Variants in PRKCE observed in about 807,000 individuals in gnomAD.
PRKCE encodes the protein protein kinase C epsilon.
A neutral mutation model predicts 85.4 loss-of-function variants in PRKCE; 16 were observed. That is an observed-to-expected ratio of 0.19 (90% CI 0.13 to 0.28). The LOEUF (loss-of-function observed/expected upper bound fraction) is 0.28, where lower values mean the gene tolerates loss of function less well. Ranked by LOEUF, PRKCE falls within the 10% of genes least tolerant of loss-of-function variation. The pLI is 1.00. For missense variants in PRKCE, 573 were observed against 975.2 expected, an observed-to-expected ratio of 0.59 and a Z score of 5.49; for synonymous variants, 388 against 371.5, an observed-to-expected ratio of 1.04 and a Z score of -0.51.
chr2:46,045,658 C>A (rs1444423511), intron 10 of PRKCE, among the ~76,000 whole-genome samples: 1 of 152,164 alleles, frequency 6.6e-6, no homozygotes, highest in African/African-American at 2.4e-5. Context: ...GCGGGATGAT[C>A]ACTTGGGGTC....
At chr2:46,144,941 G>A (rs1027610254) in intron 11 of PRKCE, 152 bp from the exon 12 acceptor site, 31 of 1,114,520 alleles carry the variant, frequency 2.8e-5, no homozygotes, top group Non-Finnish European at 3.6e-5. Context: ...ATGAGAGAGA[G>A]CCCCTGGACT....
intron 1 of PRKCE, among the ~76,000 whole-genome samples, chr2:45,737,538 G>T (rs917226739): frequency 1.3e-5 from 2 of 152,166 alleles, no homozygotes; most frequent in African/African-American, 4.8e-5. Flanking sequence ...CAACTGCCCA[G>T]CGGAGGACCT....
At chr2:45,821,474 A>C (rs1281550194) in intron 1 of PRKCE, among the ~76,000 whole-genome samples, 1 of 152,176 alleles carries the variant, frequency 6.6e-6, no homozygotes, top group Non-Finnish European at 1.5e-5. Context: ...GACTAGTAGT[A>C]CAGGTGAGAA....
At chr2:45,783,994 T>C (rs1179498574) in intron 1 of PRKCE, among the ~76,000 whole-genome samples, 1 of 152,274 alleles carries the variant, frequency 6.6e-6, no homozygotes, top group Non-Finnish European at 1.5e-5. Flanking sequence ...GGAGATTTCA[T>C]GTCAGTTCAG....
At chr2:46,074,429 C>CAAAAAAAAAAAAAAAAAAAAAAAACCA (rs11287357) in intron 10 of PRKCE, among the ~76,000 whole-genome samples, 1 of 93,858 alleles carries the variant, frequency 1.1e-5, no homozygotes, top group Non-Finnish European at 2.1e-5. Context: ...CAACAACAAC[C>CAAAAAAAAAAAAAAAAAAAAAAAACCA]AAAAAAAAAA....
At chr2:45,795,331 G>A (rs1033096595) in intron 1 of PRKCE, among the ~76,000 whole-genome samples, 2 of 152,034 alleles carry the variant, frequency 1.3e-5, no homozygotes, top group African/African-American at 2.4e-5. Context: ...TTTTTGAGAT[G>A]GAGTGTTGCT....
In PRKCE at chr2:45,917,635, G is replaced by A. The variant is rs1336499640; in HGVS notation, c.413-58794G>A. Among the ~76,000 whole-genome samples, 7 of 152,374 alleles carry A rather than the reference G, an allele frequency of 4.6e-5. No individual in the cohort carries two copies. In the South Asian group the frequency reaches 1.4e-3, roughly 32 times the overall value. On this transcript the variant is annotated intron_variant, in intron 2 of 14. Coordinates refer to ENST00000306156, the MANE Select transcript of PRKCE (RefSeq NM_005400.3). ...CAGTGGATCCCGCACTGGGGCTGCA[G>A]GTGGAGCTGCCTGCCAGTCCCGTGC...
intron 11 of PRKCE, among the ~76,000 whole-genome samples, chr2:46,133,897 G>A (rs952910748): frequency 5.3e-5 from 8 of 152,148 alleles, no homozygotes; most frequent in Non-Finnish European, 8.8e-5. Flanking sequence ...AAGGGTTGGG[G>A]GTGGTAGTGA....
At chr2:46,130,618 C>T (rs1047796195) in intron 11 of PRKCE, among the ~76,000 whole-genome samples, 2 of 152,218 alleles carry the variant, frequency 1.3e-5, no homozygotes, top group African/African-American at 4.8e-5. Flanking sequence ...GAACCACCAA[C>T]AAATTCCACA....
chr2:45,701,741 T>C (rs1678659612), intron 1 of PRKCE, among the ~76,000 whole-genome samples: 1 of 152,242 alleles, frequency 6.6e-6, no homozygotes, highest in Non-Finnish European at 1.5e-5. Context: ...TGCTCCAGGC[T>C]GCTTCCCATT....
chr2:45,807,622 A>G (rs1348317974), intron 1 of PRKCE, among the ~76,000 whole-genome samples: 7 of 152,268 alleles, frequency 4.6e-5, no homozygotes, highest in African/African-American at 1.7e-4. Context: ...AAGGTCTCCC[A>G]GAGCTCCCAC....
intron 2 of PRKCE, among the ~76,000 whole-genome samples, chr2:45,964,935 G>A (rs1701634241): frequency 6.6e-6 from 1 of 152,110 alleles, no homozygotes; most frequent in African/African-American, 2.4e-5. Flanking sequence ...CATAAATCCT[G>A]CCATGAACAC....
rs866312510 is a variant in PRKCE, at chr2:46,163,555, A to G, written c.2067+3803A>G. On this transcript the variant is annotated intron_variant, in intron 14 of 14. Coordinates refer to ENST00000306156, the MANE Select transcript of PRKCE (RefSeq NM_005400.3). ...TGAGGCACTCCCCACAGAGGCCACT[A>G]AGAGACACAGGGAAGCTGAGGCACA... 7.3e-3 allele frequency among the ~76,000 whole-genome samples: 405 copies of G among 55,826 alleles called. 1 individual carries two copies. The highest frequency in any genetic ancestry group is 9.8e-3 in the African/African-American group (139 of 14,152). The allele number at this position is 55,826 out of a possible 152,430, so 36.6% of individuals were successfully genotyped here.
At chr2:46,058,990 G>T (rs1229515707) in intron 10 of PRKCE, among the ~76,000 whole-genome samples, 1 of 152,140 alleles carries the variant, frequency 6.6e-6, no homozygotes, top group Admixed American at 6.5e-5. Flanking sequence ...GAGCTACTAT[G>T]CCCCACTAAA....
intron 2 of PRKCE, among the ~76,000 whole-genome samples, chr2:45,902,473 A>G (rs1696651763): frequency 6.6e-6 from 1 of 152,234 alleles, no homozygotes; most frequent in Non-Finnish European, 1.5e-5. Flanking sequence ...AAATGAAGTA[A>G]TCAGAAAATA....
At chr2:46,005,849 TG>T (rs1392080969) in intron 8 of PRKCE, among the ~76,000 whole-genome samples, 7 of 152,212 alleles carry the variant, frequency 4.6e-5, no homozygotes, top group Non-Finnish European at 8.8e-5. Flanking sequence ...TGATGTACTC[TG>T]GGGCTGCAGA....
chr2:45,664,823 T>C (rs538929151), intron 1 of PRKCE, among the ~76,000 whole-genome samples: 1 of 152,350 alleles, frequency 6.6e-6, no homozygotes, highest in South Asian at 2.1e-4. Context: ...TAAGGCTTTT[T>C]TTCACATCCC....
At chr2:45,937,143 T>G (rs1452466560) in intron 2 of PRKCE, among the ~76,000 whole-genome samples, 1 of 152,174 alleles carries the variant, frequency 6.6e-6, no homozygotes, top group East Asian at 1.9e-4. Context: ...GTCCATCTGG[T>G]TTTTATTACT....
intron 2 of PRKCE, among the ~76,000 whole-genome samples, chr2:45,975,904 A>G (rs113296363): frequency 6.6e-6 from 1 of 152,198 alleles, no homozygotes; most frequent in African/African-American, 2.4e-5. Context: ...AAGAAGTCAG[A>G]TTTATTAGGC....
Sources: gnomAD v4.1 joint callset for allele counts (sites outside exome capture counted in the v4.1 genomes callset) on GRCh38, gnomAD v4.1.1 for gene constraint, MANE v1.5 for transcripts, NCBI Gene and HGNC (gene_info 2026-07-23, HGNC 2026-07-21) for gene names.